SYNPO2: variants seen among roughly 807,000 people sequenced by gnomAD.
The protein encoded by SYNPO2 is synaptopodin 2.
SYNPO2 carries 56 observed loss-of-function variants against 85.0 expected under a neutral mutation model. That is an observed-to-expected ratio of 0.66 (90% CI 0.53 to 0.82). SYNPO2 has a LOEUF of 0.82. Ranked by LOEUF, SYNPO2 falls within the 40% of genes least tolerant of loss-of-function variation. The probability of loss-of-function intolerance (pLI) is 0.00; values close to 1 mark genes in which losing one functional copy is unlikely to be tolerated. For synonymous variants in SYNPO2, 602 were observed against 591.1 expected (o/e 1.02, Z -0.27); for missense variants, 1,575 against 1,534.2 (o/e 1.03, Z -0.44).
chr4:119,004,396 T>G (rs1208306174), intron 1 of SYNPO2, among the ~76,000 whole-genome samples: 2 of 139,270 alleles, frequency 1.4e-5, no homozygotes, highest in African/African-American at 2.7e-5. Flanking sequence ...CCCACAACAG[T>G]CCCCGGTGTG....
intron 1 of SYNPO2, among the ~76,000 whole-genome samples, chr4:119,002,789 G>A (rs1039510637): frequency 2.6e-5 from 4 of 151,968 alleles, no homozygotes; most frequent in Non-Finnish European, 4.4e-5. Context: ...TTTTAAGACT[G>A]GGTATATTTG....
intron 1 of SYNPO2, among the ~76,000 whole-genome samples, chr4:118,973,955 T>G (rs541327584): frequency 1.3e-5 from 2 of 152,218 alleles, no homozygotes; most frequent in Non-Finnish European, 2.9e-5. Context: ...GATTCTTCTT[T>G]CTTCACAAAA....
chr4:118,937,698 T>C (rs1734155501), intron 1 of SYNPO2, among the ~76,000 whole-genome samples: 1 of 152,120 alleles, frequency 6.6e-6, no homozygotes, highest in African/African-American at 2.4e-5. Flanking sequence ...ATATAACTTT[T>C]AAAAAAAGAT....
intron 1 of SYNPO2, among the ~76,000 whole-genome samples, chr4:119,004,948 G>A (rs1736973301): frequency 6.6e-6 from 1 of 151,886 alleles, no homozygotes; most frequent in African/African-American, 2.4e-5. Flanking sequence ...ATCTCATTGT[G>A]GTTTTGATTT....
intron 1 of SYNPO2, among the ~76,000 whole-genome samples, chr4:118,874,290 A>C (rs1731858692): frequency 6.6e-6 from 1 of 152,244 alleles, no homozygotes; most frequent in South Asian, 2.1e-4. Flanking sequence ...TTCACTTTGT[A>C]AAGCTATAAA....
At chr4:118,893,999 AAAAAT>A (rs1489334414) in intron 1 of SYNPO2, among the ~76,000 whole-genome samples, 1 of 151,398 alleles carries the variant, frequency 6.6e-6, no homozygotes, top group African/African-American at 2.4e-5. Flanking sequence ...TTTGTCAATT[AAAAAT>A]AAAATAAAAC....
chr4:118,897,165 A>G (rs1005140862), intron 1 of SYNPO2, among the ~76,000 whole-genome samples: 2 of 152,176 alleles, frequency 1.3e-5, no homozygotes, highest in African/African-American at 4.8e-5. Context: ...AGCAAGGCAC[A>G]TCCTACATGG....
intron 1 of SYNPO2, among the ~76,000 whole-genome samples, chr4:118,941,430 A>T (rs1362715204): frequency 6.6e-6 from 1 of 152,190 alleles, no homozygotes; most frequent in Non-Finnish European, 1.5e-5. Context: ...AATAAGAGAG[A>T]TCAAACCTGA....
chr4:118,889,760 A>G (rs1384624410), intron 1 of SYNPO2, among the ~76,000 whole-genome samples: 1 of 152,266 alleles, frequency 6.6e-6, no homozygotes, highest in African/African-American at 2.4e-5. Flanking sequence ...GATCTCAAAA[A>G]TAAACTTAGA....
chr4:118,878,626 T>G (rs1179368289), intron 1 of SYNPO2, among the ~76,000 whole-genome samples: 1 of 152,004 alleles, frequency 6.6e-6, no homozygotes, highest in Non-Finnish European at 1.5e-5. Flanking sequence ...GCGCTCTGTG[T>G]CTAGCTAAAG....
At chr4:119,037,575 A>C (rs1738569985) in intron 4 of SYNPO2, 57 of 989,378 alleles carry the variant, frequency 5.8e-5, no homozygotes, top group Non-Finnish European at 6.8e-5. Context: ...GGTTCAAGTC[A>C]GGATGACATG....
intron 1 of SYNPO2, among the ~76,000 whole-genome samples, chr4:118,993,260 T>C (rs1736475368): frequency 6.6e-6 from 1 of 152,076 alleles, no homozygotes; most frequent in African/African-American, 2.4e-5. Flanking sequence ...GTAGTTATTC[T>C]CTTTAAAAAA....
intron 1 of SYNPO2, among the ~76,000 whole-genome samples, chr4:118,980,431 A>G (rs1485111771): frequency 6.6e-6 from 1 of 152,106 alleles, no homozygotes; most frequent in Admixed American, 6.6e-5. Flanking sequence ...GGCAAGGTCT[A>G]CCTAGATCCT....
intron 1 of SYNPO2, among the ~76,000 whole-genome samples, chr4:118,969,893 A>G (rs1360374463): frequency 6.6e-6 from 1 of 152,150 alleles, no homozygotes; most frequent in African/African-American, 2.4e-5. Context: ...GAAGTGTAAT[A>G]GAATTTCATT....
intron 1 of SYNPO2, among the ~76,000 whole-genome samples, chr4:118,899,368 T>C (rs1003202015): frequency 1.3e-5 from 2 of 152,210 alleles, no homozygotes; most frequent in Non-Finnish European, 2.9e-5. Flanking sequence ...TTCTTGACAA[T>C]ACAAAATGTC....
At chr4:118,978,792 GACACACACACACACAC>G (rs5861400) in intron 1 of SYNPO2, among the ~76,000 whole-genome samples, 26 of 148,386 alleles carry the variant, frequency 1.8e-4, no homozygotes, top group Non-Finnish European at 2.1e-4. Context: ...CTCCTGCCAT[GACACACACACACACAC>G]ACACACACAC....
At chr4:118,864,303 G>A (rs10019311) in intron 1 of SYNPO2, among the ~76,000 whole-genome samples, 8,478 of 152,106 alleles carry the variant, frequency 0.056, 272 homozygotes, top group Non-Finnish European at 0.064. Flanking sequence ...CATTGTGGTC[G>A]GAGAAGATGC....
intron 1 of SYNPO2, among the ~76,000 whole-genome samples, chr4:118,897,673 T>C (rs1732592361): frequency 6.6e-6 from 1 of 152,184 alleles, no homozygotes; most frequent in African/African-American, 2.4e-5. Context: ...AGGTTACCCT[T>C]AGTTAAGATC....
In SYNPO2 at chr4:118,892,639, A is replaced by G. The variant is rs137985714; in HGVS notation, c.105+3498A>G. On this transcript the variant is annotated intron_variant, in intron 1 of 4. Coordinates refer to ENST00000307142, the MANE Select transcript of SYNPO2 (RefSeq NM_133477.3). ...TGTTTTACAAAAAATCTTACCTGCA[A>G]TTGAAAAATTACTCACATTTTGAAA... Among the ~76,000 whole-genome samples the G allele has an allele frequency of 2.0e-5, 3 of 152,300 alleles. No individual in the cohort carries two copies. The East Asian group carries it at 5.8e-4, about 29-fold the overall frequency.
Sources: allele counts gnomAD v4.1 joint callset (sites outside exome capture counted in the v4.1 genomes callset), GRCh38; gene constraint gnomAD v4.1.1; transcripts MANE v1.5; gene names NCBI Gene and HGNC (gene_info 2026-07-23, HGNC 2026-07-21).